TSNARE1: variants seen among roughly 807,000 people sequenced by gnomAD.
TSNARE1 encodes t-SNARE domain containing 1.
A neutral mutation model predicts 62.0 loss-of-function variants in TSNARE1; 49 were observed. The ratio of observed to expected loss-of-function variants is 0.79; its 90% CI spans 0.63 to 1.00. TSNARE1 has a LOEUF of 1.00. TSNARE1 is among the 50% of genes least tolerant of loss of function. The pLI is 0.00. For missense variants in TSNARE1, 755 were observed against 700.1 expected, an observed-to-expected ratio of 1.08 and a Z score of -0.88; for synonymous variants, 328 against 294.4, an observed-to-expected ratio of 1.11 and a Z score of -1.17.
At chr8:142,392,425 G>A (rs879638537) in intron 1 of TSNARE1, among the ~76,000 whole-genome samples, 14 of 152,266 alleles carry the variant, frequency 9.2e-5, no homozygotes, top group Non-Finnish European at 7.4e-5. Context: ...CTTACGTAGC[G>A]TATGTGCTGA....
At chr8:142,328,966 G>A (rs1251739923) in intron 6 of TSNARE1, among the ~76,000 whole-genome samples, 3 of 152,208 alleles carry the variant, frequency 2.0e-5, no homozygotes, top group Non-Finnish European at 1.5e-5. Context: ...TCCTGAGACT[G>A]GGTCCCTCCT....
chr8:142,322,171 A>G (rs1268150127), intron 6 of TSNARE1, among the ~76,000 whole-genome samples: 1 of 152,266 alleles, frequency 6.6e-6, no homozygotes, highest in Non-Finnish European at 1.5e-5. Context: ...TAAATTATGC[A>G]GAAAAAGCAT....
At position 142,316,304 on chromosome 8, in the gene TSNARE1, C is replaced by T. The variant is rs559135227; in HGVS notation, c.985-1212G>A. Among the ~76,000 whole-genome samples the T allele has an allele frequency of 2.6e-5, 4 of 151,776 alleles. 1 individual carries two copies. The highest frequency in any genetic ancestry group is 3.9e-4 in the East Asian group (2 of 5,092). On this transcript the variant is annotated intron_variant, in intron 7 of 13. Coordinates refer to ENST00000524325, the MANE Select transcript of TSNARE1 (RefSeq NM_145003.5). ...CACCTGGTCCCCACAGAGTGGTCCC[C>T]GCAGGGCAGCCATGGCTATGAGGAG...
chr8:142,339,396 C>A (rs1832221123), intron 4 of TSNARE1, among the ~76,000 whole-genome samples: 1 of 151,854 alleles, frequency 6.6e-6, no homozygotes, highest in South Asian at 2.1e-4. Context: ...CAGGGAGAAT[C>A]ACAGGCCCGT....
intron 10 of TSNARE1, among the ~76,000 whole-genome samples, chr8:142,286,275 G>A (rs1246488373): frequency 3.9e-5 from 6 of 152,136 alleles, no homozygotes; most frequent in Non-Finnish European, 7.4e-5. Context: ...TGGCACACCC[G>A]TCCAGTCAGC....
chr8:142,326,171 C>T (rs1437155869), intron 6 of TSNARE1: 4 of 161,062 alleles, frequency 2.5e-5, no homozygotes, highest in East Asian at 2.3e-4. Context: ...GGGAGGGCCC[C>T]GGAGAGCACG....
intron 1 of TSNARE1, among the ~76,000 whole-genome samples, chr8:142,358,989 C>T (rs1164688522): frequency 1.3e-5 from 2 of 152,128 alleles, no homozygotes; most frequent in Non-Finnish European, 2.9e-5. Flanking sequence ...GGGCCCTGTC[C>T]TGCCCCAGCC....
intron 2 of TSNARE1, among the ~76,000 whole-genome samples, chr8:142,353,626 G>T (rs548537315): frequency 2.0e-5 from 3 of 152,336 alleles, no homozygotes; most frequent in Admixed American, 6.5e-5. Flanking sequence ...AGGGCTGGGG[G>T]TGGGAAACAA....
chr8:142,276,093 G>C lies in TSNARE1; in HGVS notation c.1364-1230C>G, dbSNP rs563847459. ...GCCCCCAGCGCAGGGCCCTAGTGGA[G>C]CCGCAGGCACTCGCAGACACACCCT... On this transcript the variant is annotated intron_variant, in intron 11 of 13. Transcript: ENST00000524325. 2,051 of 985,326 alleles carry C rather than the reference G, an allele frequency of 2.1e-3. 4 individuals are homozygous for C. The highest frequency in any genetic ancestry group is 2.4e-3 in the Non-Finnish European group (1,999 of 829,880). 61.0% of individuals were successfully genotyped at this position (985,326 alleles called of 1,614,324 possible).
intron 10 of TSNARE1, among the ~76,000 whole-genome samples, chr8:142,297,697 C>A (rs546148734): frequency 8.9e-4 from 135 of 152,354 alleles, no homozygotes; most frequent in African/African-American, 3.1e-3. Context: ...GCCAGCAGGG[C>A]CTGGCACGTG....
rs1314030389 is a variant in TSNARE1 at position 142,319,064 on chromosome 8, G to A, written c.894-430C>T. On this transcript the variant is annotated intron_variant, in intron 6 of 13. Transcript: ENST00000524325. The surrounding 1 kb of genome is among the most constrained non-coding windows in gnomAD (Gnocchi z 4.9). ...GGCAGAAAGGCAGGCAGAGAGAGAC[G>A]GCGCAGGTAAGCTCTGGCTGGGGTG... is the stretch of plus-strand genomic sequence containing the variant. 2.0e-5 allele frequency among the ~76,000 whole-genome samples: 3 copies of A among 151,864 alleles called. No individual in the cohort carries two copies. The highest frequency in any genetic ancestry group is 6.6e-5 in the Admixed American group (1 of 15,256).
chr8:142,359,572 GA>G (rs913010705), intron 1 of TSNARE1, among the ~76,000 whole-genome samples: 7 of 152,182 alleles, frequency 4.6e-5, no homozygotes, highest in African/African-American at 1.7e-4. Flanking sequence ...ACAAGTCCAT[GA>G]GGAGGTTCTC....
chr8:142,336,680 C>T (rs1406897223), intron 4 of TSNARE1, among the ~76,000 whole-genome samples: 1 of 152,192 alleles, frequency 6.6e-6, no homozygotes, highest in Admixed American at 6.5e-5. Context: ...AACTCCAACA[C>T]CATCAACCAG....
At chr8:142,288,007 C>T (rs4976992) in intron 10 of TSNARE1, among the ~76,000 whole-genome samples, 104,945 of 151,988 alleles carry the variant, frequency 0.69, 36,993 homozygotes, top group African/African-American at 0.82. Context: ...ATGGGCCTTA[C>T]GTGTGTGCAC....
chr8:142,229,713 C>T (rs1817012663), intron 12 of TSNARE1, 134 bp from the exon 13 acceptor site: 6 of 701,568 alleles, frequency 8.6e-6, no homozygotes, highest in Non-Finnish European at 1.5e-5. Flanking sequence ...CCAGAGAGAA[C>T]CTGTGTCTTT....
chr8:142,377,227 A>G (rs1182261283), intron 1 of TSNARE1, among the ~76,000 whole-genome samples: 1 of 152,204 alleles, frequency 6.6e-6, no homozygotes. Flanking sequence ...TCTATCCCAG[A>G]TAGACTAAAG....
Position 142,306,385 on chromosome 8 carries a change from G to C in TSNARE1, c.1132-5741C>G, listed in dbSNP as rs1826672516. Among the ~76,000 whole-genome samples the C allele has an allele frequency of 2.6e-5, 4 of 152,360 alleles. No individual in the cohort carries two copies. In the South Asian group the frequency reaches 8.3e-4, roughly 32 times the overall value. The stretch of plus-strand genomic sequence containing the variant: ...TCCTGGTGGAAATGTAGGCTGAGGT[G>C]GCCAGTGACGGCAGAGACAGAGCAT... On this transcript the variant is annotated intron_variant, in intron 9 of 13. Coordinates refer to ENST00000524325, the MANE Select transcript of TSNARE1 (RefSeq NM_145003.5).
chr8:142,344,755 C>T (rs1390281297), intron 3 of TSNARE1, among the ~76,000 whole-genome samples: 2 of 152,266 alleles, frequency 1.3e-5, no homozygotes, highest in East Asian at 1.9e-4. Flanking sequence ...CCTGCAGCCA[C>T]CACAGAGGTG....
At chr8:142,393,418 G>A (rs1449616418) in intron 1 of TSNARE1, among the ~76,000 whole-genome samples, 2 of 152,252 alleles carry the variant, frequency 1.3e-5, no homozygotes, top group Non-Finnish European at 2.9e-5. Flanking sequence ...CTCTGGCATG[G>A]CGGCCGCGTC....
Sources: allele counts gnomAD v4.1 joint callset (sites outside exome capture counted in the v4.1 genomes callset), GRCh38; gene constraint gnomAD v4.1.1; non-coding constraint Gnocchi (gnomAD v3.1); transcripts MANE v1.5; gene names NCBI Gene and HGNC (gene_info 2026-07-23, HGNC 2026-07-21).